The following CNTNAP5 variants were observed in gnomAD, a reference collection of about 807,000 sequenced individuals.
CNTNAP5 encodes the protein contactin-associated protein-like 5.
A neutral mutation model predicts 150.2 loss-of-function variants in CNTNAP5; 72 were observed. That is an observed-to-expected ratio of 0.48 (90% CI 0.40 to 0.58). CNTNAP5 has a LOEUF of 0.58. CNTNAP5 is among the 20% of genes least tolerant of loss of function. The pLI, the probability that CNTNAP5 is intolerant of heterozygous loss-of-function variation, is 0.00. For synonymous variants in CNTNAP5, 672 were observed against 619.8 expected (o/e 1.08, Z -1.25); for missense variants, 1,636 against 1,626.2 (o/e 1.01, Z -0.10).
At chr2:124,539,006 G>A (rs144650772) in intron 10 of CNTNAP5, among the ~76,000 whole-genome samples, 40 of 152,238 alleles carry the variant, frequency 2.6e-4, no homozygotes, top group African/African-American at 9.6e-4. Flanking sequence ...CACTCATGGG[G>A]CCCTTGAGGC....
intron 3 of CNTNAP5, among the ~76,000 whole-genome samples, chr2:124,415,227 G>C (rs1472825399): frequency 1.3e-5 from 2 of 152,170 alleles, no homozygotes; most frequent in Non-Finnish European, 2.9e-5. Context: ...AAACCTGGGA[G>C]CTGAAATGTT....
chr2:124,633,861 G>T (rs72845015), intron 12 of CNTNAP5, among the ~76,000 whole-genome samples: 2 of 152,140 alleles, frequency 1.3e-5, no homozygotes, highest in East Asian at 3.9e-4. Context: ...CTTATGGCTC[G>T]CACCCTTTGA....
intron 3 of CNTNAP5, among the ~76,000 whole-genome samples, chr2:124,393,808 G>T (rs185038781): frequency 1.9e-3 from 292 of 152,292 alleles, no homozygotes; most frequent in African/African-American, 6.8e-3. Context: ...CCTGAACAGG[G>T]ATATGGTTTT....
intron 21 of CNTNAP5, among the ~76,000 whole-genome samples, chr2:124,893,394 C>T (rs1029917044): frequency 1.3e-5 from 2 of 152,034 alleles, no homozygotes; most frequent in Non-Finnish European, 2.9e-5. Context: ...TAAAACTGAC[C>T]ACACAAGCTG....
intron 19 of CNTNAP5, among the ~76,000 whole-genome samples, chr2:124,822,193 G>A (rs1682506129): frequency 6.6e-6 from 1 of 152,060 alleles, no homozygotes; most frequent in Non-Finnish European, 1.5e-5. Flanking sequence ...TCATTTCCCT[G>A]GCCAATATTA....
intron 21 of CNTNAP5, among the ~76,000 whole-genome samples, chr2:124,888,071 T>C (rs1487430534): frequency 6.6e-6 from 1 of 152,132 alleles, no homozygotes; most frequent in African/African-American, 2.4e-5. Flanking sequence ...TCACCCAGTA[T>C]TGAGTATAGT....
intron 1 of CNTNAP5, among the ~76,000 whole-genome samples, chr2:124,114,259 A>G (rs1205204178): frequency 6.6e-6 from 1 of 152,032 alleles, no homozygotes; most frequent in Non-Finnish European, 1.5e-5. Flanking sequence ...AAACTGGTCC[A>G]TCTCTCTCTT....
chr2:124,229,529 G>A (rs1019328531), intron 2 of CNTNAP5, among the ~76,000 whole-genome samples: 5 of 151,970 alleles, frequency 3.3e-5, no homozygotes, highest in Non-Finnish European at 7.4e-5. Context: ...AATTACTTTT[G>A]GAAAAAAGAA....
chr2:124,817,863 A>G (rs7556875), intron 19 of CNTNAP5, among the ~76,000 whole-genome samples: 42,399 of 152,044 alleles, frequency 0.28, 7,992 homozygotes, highest in African/African-American at 0.54. Flanking sequence ...CCTGGGGGTA[A>G]ATAAAAAGGA....
rs374263157 is a variant in CNTNAP5, at chr2:124,599,843, C to CTCCTTAAATACTTTTCCTA, written c.1757-9956_1757-9938dup. Among the ~76,000 whole-genome samples the CTCCTTAAATACTTTTCCTA allele has an allele frequency of 2.6e-3, 397 of 152,092 alleles. 1 individual carries two copies. Among genetic ancestry groups the CTCCTTAAATACTTTTCCTA allele is most frequent in the African/African-American group, 9.2e-3 (381 of 41,448 alleles). On this transcript the variant is annotated intron_variant, in intron 11 of 23. Transcript: ENST00000682447. The stretch of plus-strand genomic sequence containing the variant: ...CCTCAAACTCATGGGTTGGGGGGAG[C>CTCCTTAAATACTTTTCCTA]TCCTTAAATACTTTTCCTATTTTTT...
chr2:124,684,683 A>G (rs754508073), intron 13 of CNTNAP5, among the ~76,000 whole-genome samples: 1 of 152,214 alleles, frequency 6.6e-6, no homozygotes, highest in Non-Finnish European at 1.5e-5. Flanking sequence ...GTGATGATTA[A>G]GCGAGAAAAA....
intron 13 of CNTNAP5, among the ~76,000 whole-genome samples, chr2:124,717,988 G>A (rs892020644): frequency 2.6e-5 from 4 of 152,076 alleles, no homozygotes; most frequent in African/African-American, 9.7e-5. Flanking sequence ...CAATATTAAG[G>A]TTTTATTGTA....
At chr2:124,235,578 A>G (rs1331592128) in intron 2 of CNTNAP5, among the ~76,000 whole-genome samples, 3 of 152,130 alleles carry the variant, frequency 2.0e-5, no homozygotes, top group Non-Finnish European at 4.4e-5. Flanking sequence ...ACTCACAGGG[A>G]TGATGTCCTG....
intron 1 of CNTNAP5, among the ~76,000 whole-genome samples, chr2:124,181,679 T>G (rs139642732): frequency 2.0e-5 from 3 of 152,316 alleles, no homozygotes; most frequent in Non-Finnish European, 4.4e-5. Context: ...GAGCAAGTCA[T>G]TTCGTTTTAT....
intron 19 of CNTNAP5, among the ~76,000 whole-genome samples, chr2:124,857,703 G>A (rs1024436873): frequency 1.3e-4 from 20 of 151,870 alleles, no homozygotes; most frequent in South Asian, 2.1e-4. Context: ...AGCTGGGCAC[G>A]GTGGCAAGCA....
chr2:124,178,496 G>C (rs1340902071), intron 1 of CNTNAP5, among the ~76,000 whole-genome samples: 1 of 152,048 alleles, frequency 6.6e-6, no homozygotes. Flanking sequence ...GGAATTAATT[G>C]GTAGTTCCTA....
At chr2:124,096,594 A>C (rs1682938188) in intron 1 of CNTNAP5, among the ~76,000 whole-genome samples, 1 of 152,134 alleles carries the variant, frequency 6.6e-6, no homozygotes, top group African/African-American at 2.4e-5. Flanking sequence ...TAGGAGGCAT[A>C]TCATATATAT....
At chr2:124,206,887 G>A (rs138819147) in intron 1 of CNTNAP5, among the ~76,000 whole-genome samples, 2 of 152,252 alleles carry the variant, frequency 1.3e-5, no homozygotes, top group East Asian at 3.9e-4. Flanking sequence ...CAGTTGTTTT[G>A]AAGGCACAGG....
At chr2:124,158,146 T>A (rs1684588678) in intron 1 of CNTNAP5, among the ~76,000 whole-genome samples, 1 of 152,264 alleles carries the variant, frequency 6.6e-6, no homozygotes, top group South Asian at 2.1e-4. Context: ...GATGATGAAT[T>A]TTCTTTTCTG....
Sources: gnomAD v4.1 joint callset for allele counts (sites outside exome capture counted in the v4.1 genomes callset) on GRCh38, gnomAD v4.1.1 for gene constraint, MANE v1.5 for transcripts, NCBI Gene and HGNC (gene_info 2026-07-23, HGNC 2026-07-21) for gene names.